Variants in C1GALT1 observed in about 807,000 individuals in gnomAD.
The protein encoded by C1GALT1 is glycoprotein-N-acetylgalactosamine 3-beta-galactosyltransferase 1.
C1GALT1 carries 11 observed loss-of-function variants against 31.0 expected under a neutral mutation model. The observed-to-expected ratio is 0.36, with a 90% CI of 0.22 to 0.59. C1GALT1 has a LOEUF of 0.59. C1GALT1 is among the 20% of genes least tolerant of loss of function. The pLI is 0.79. For missense variants in C1GALT1, 424 were observed against 425.2 expected (o/e 1.00, Z 0.03); for synonymous variants, 175 against 143.6 (o/e 1.22, Z -1.56).
intron 1 of C1GALT1, among the ~76,000 whole-genome samples, chr7:7,184,262 G>A (rs953942220): frequency 6.6e-6 from 1 of 152,172 alleles, no homozygotes; most frequent in Non-Finnish European, 1.5e-5. Flanking sequence ...AGGAAAGTAT[G>A]ACTCATTTAA....
At chr7:7,164,348 A>G (rs565652053) in intron 2 of C1GALT1, among the ~76,000 whole-genome samples, 244 of 152,310 alleles carry the variant, frequency 1.6e-3, no homozygotes, top group African/African-American at 5.5e-3. Context: ...TCTATGATGT[A>G]TGAAGAGCTA....
chr7:7,243,488 G>C (rs961933173), intron 3 of C1GALT1, 36 bp from the exon 4 acceptor site: 2 of 1,493,528 alleles, frequency 1.3e-6, no homozygotes, highest in Admixed American at 2.1e-5. Context: ...GCAATGTGCT[G>C]TTTATTAACA....
At chr7:7,239,553 C>A (rs76751692) in intron 3 of C1GALT1, among the ~76,000 whole-genome samples, 2,314 of 152,242 alleles carry the variant, frequency 0.015, 41 homozygotes, top group African/African-American at 0.053. Context: ...GCTTCAGTTT[C>A]CTCATTTGTA....
intron 1 of C1GALT1, among the ~76,000 whole-genome samples, chr7:7,221,776 C>A (rs1325432830): frequency 6.6e-6 from 1 of 152,222 alleles, no homozygotes; most frequent in Non-Finnish European, 1.5e-5. Context: ...TTCCTTCCTG[C>A]TGTCAGACTC....
chr7:7,209,561 T>C (rs1191016380), intron 1 of C1GALT1: 1 of 152,236 alleles, frequency 6.6e-6, no homozygotes, highest in African/African-American at 2.4e-5. Context: ...AATAATCTGC[T>C]TCCAGGTATG....
At chr7:7,185,869 G>A (rs1780789688) in intron 1 of C1GALT1, among the ~76,000 whole-genome samples, 1 of 152,218 alleles carries the variant, frequency 6.6e-6, no homozygotes, top group African/African-American at 2.4e-5. Context: ...ATTATAGACT[G>A]AATCAGAGGC....
chr7:7,220,652 G>A lies in C1GALT1; in HGVS notation c.-17-13651G>A, dbSNP rs559842599. Among the ~76,000 whole-genome samples, 27 of 152,178 alleles carry A rather than the reference G, an allele frequency of 1.8e-4. 1 individual carries two copies. The South Asian group carries it at 5.6e-3, about 32-fold the overall frequency. ...TTCTTCTGCCTCAGCCTCCCAAATA[G>A]CTGGGACTACAGGCATGTGCCACCA... On this transcript the variant is annotated intron_variant, in intron 1 of 3. Coordinates refer to ENST00000436587, the MANE Select transcript of C1GALT1 (RefSeq NM_020156.5).
chr7:7,208,582 C>T (rs1356333899), intron 1 of C1GALT1, among the ~76,000 whole-genome samples: 2 of 152,126 alleles, frequency 1.3e-5, no homozygotes, highest in Non-Finnish European at 2.9e-5. Context: ...TTGGGGAGAG[C>T]ACCAGCCTTT....
intron 1 of C1GALT1, among the ~76,000 whole-genome samples, chr7:7,230,711 G>T (rs375584392): frequency 8.8e-6 from 1 of 113,800 alleles, no homozygotes; most frequent in Non-Finnish European, 1.9e-5. Flanking sequence ...TTGTTTTACT[G>T]TTTGTTTGTT....
chr7:7,186,250 G>T (rs1270224406), intron 1 of C1GALT1, among the ~76,000 whole-genome samples: 1 of 152,154 alleles, frequency 6.6e-6, no homozygotes, highest in South Asian at 2.1e-4. Context: ...AAAGACTCCA[G>T]CTCTCAATAC....
intron 1 of C1GALT1, among the ~76,000 whole-genome samples, chr7:7,184,945 G>T (rs1434624810): frequency 1.3e-5 from 2 of 152,206 alleles, no homozygotes; most frequent in Non-Finnish European, 2.9e-5. Flanking sequence ...AAGGAGACTT[G>T]TTCCATAAAA....
At chr7:7,192,439 C>T (rs1781115008) in intron 1 of C1GALT1, among the ~76,000 whole-genome samples, 1 of 152,080 alleles carries the variant, frequency 6.6e-6, no homozygotes, top group African/African-American at 2.4e-5. Flanking sequence ...ATGGTCTCCA[C>T]CTCCATCCAG....
upstream of C1GALT1, among the ~76,000 whole-genome samples, chr7:7,182,199 AAG>A (rs1458214563): frequency 6.6e-6 from 1 of 152,204 alleles, no homozygotes. Flanking sequence ...TACAGGCCAC[AAG>A]AGTCCTGCAG....
intron 2 of C1GALT1, among the ~76,000 whole-genome samples, chr7:7,172,630 T>TA (rs960411715): frequency 8.0e-5 from 12 of 150,456 alleles, no homozygotes; most frequent in Non-Finnish European, 1.0e-4. Context: ...CTGTAAACTC[T>TA]AAAAAAAAAA....
At chr7:7,239,802 A>G (rs1314315443) in intron 3 of C1GALT1, among the ~76,000 whole-genome samples, 1 of 152,206 alleles carries the variant, frequency 6.6e-6, no homozygotes, top group African/African-American at 2.4e-5. Context: ...AAAGAAGAAA[A>G]TGCTATAGTA....
Position 7,238,380 on chromosome 7 carries a change from A to G in C1GALT1, c.346A>G (p.Asn116Asp), listed in dbSNP as rs918623819. 1 of 1,614,164 alleles carries G rather than the reference A, an allele frequency of 6.2e-7. No homozygotes were observed. Among genetic ancestry groups the G allele is most frequent in the African/African-American group, 1.3e-5 (1 of 75,062 alleles). ...HVKATWAQRC[N>D]KVLFMSSEEN... ...CAAAGCTACTTGGGCCCAGCGTTGT[A>G]ACAAAGTGTTGTTTATGAGTTCAGA... The change falls in exon 3 of 4, where the codon AAC becomes GAC. Residue 116 changes from asparagine (N) to aspartate (D), a missense_variant. Asn to Asp is a conservative substitution (Grantham distance 23, BLOSUM62 1). Around this residue, in one of 3 missense-constraint regions of C1GALT1, gnomAD observed 189 missense variants for 158.2 expected, o/e 1.19. Coordinates refer to ENST00000436587, the MANE Select transcript of C1GALT1 (RefSeq NM_020156.5). This position sits in a 1 kb window ranked among gnomAD's most constrained non-coding sequence, Gnocchi z 5.2.
intron 1 of C1GALT1, among the ~76,000 whole-genome samples, chr7:7,210,175 A>C (rs1011042115): frequency 2.9e-4 from 44 of 152,238 alleles, no homozygotes; most frequent in African/African-American, 9.4e-4. Flanking sequence ...TGCAAAAAAT[A>C]TTTGTGACTC....
chr7:7,208,746 G>A (rs189197961), intron 1 of C1GALT1, among the ~76,000 whole-genome samples: 94 of 152,210 alleles, frequency 6.2e-4, no homozygotes, highest in African/African-American at 2.2e-3. Context: ...TTTGGAGGAC[G>A]GGGTCCTTAT....
intron 1 of C1GALT1, among the ~76,000 whole-genome samples, chr7:7,186,712 C>T (rs974581493): frequency 4.6e-5 from 7 of 152,292 alleles, no homozygotes; most frequent in East Asian, 3.9e-4. Flanking sequence ...CACCTGGGTG[C>T]GTGTTCTTAG....
Sources: allele counts gnomAD v4.1 joint callset (sites outside exome capture counted in the v4.1 genomes callset), GRCh38; gene constraint gnomAD v4.1.1; regional missense constraint gnomAD v4.1.1; non-coding constraint Gnocchi (gnomAD v3.1); transcripts MANE v1.5; gene names NCBI Gene and HGNC (gene_info 2026-07-23, HGNC 2026-07-21).